RB1CC1: variants seen among roughly 807,000 people sequenced by gnomAD.
RB1CC1 encodes RB1 inducible coiled-coil 1, also known as RB1-inducible coiled-coil protein 1.
In RB1CC1, 46 loss-of-function variants were observed where a neutral mutation model predicts 177.5. The ratio of observed to expected loss-of-function variants is 0.26; its 90% CI spans 0.20 to 0.33. The LOEUF is 0.33. Ranked by LOEUF, RB1CC1 falls within the 10% of genes least tolerant of loss-of-function variation. RB1CC1 has a pLI of 1.00. For synonymous variants in RB1CC1, 666 were observed against 613.6 expected (o/e 1.09, Z -1.26); for missense variants, 1,703 against 1,816.3 (o/e 0.94, Z 1.13).
chr8:52,649,817 A>G (rs1850409275), intron 15 of RB1CC1, among the ~76,000 whole-genome samples: 2 of 152,240 alleles, frequency 1.3e-5, no homozygotes, highest in Admixed American at 1.3e-4. Flanking sequence ...TTCTTTGTAC[A>G]AAGGTACAGG....
chr8:52,631,415 T>A (rs1329497830), intron 20 of RB1CC1, among the ~76,000 whole-genome samples: 2 of 152,050 alleles, frequency 1.3e-5, no homozygotes, highest in East Asian at 3.9e-4. Context: ...GTTAGAAGTA[T>A]AATGCAGCAA....
intron 18 of RB1CC1, among the ~76,000 whole-genome samples, chr8:52,637,160 T>C (rs961246567): frequency 1.3e-5 from 2 of 152,104 alleles, no homozygotes; most frequent in African/African-American, 4.8e-5. Context: ...GCAGACCAAT[T>C]TGGGGAGGGC....
intron 1 of RB1CC1, among the ~76,000 whole-genome samples, chr8:52,688,474 A>C (rs1488538238): frequency 1.3e-5 from 2 of 152,160 alleles, no homozygotes; most frequent in Non-Finnish European, 2.9e-5. Context: ...CCTCAGGCTT[A>C]CTACGGTGGT....
In RB1CC1 at chr8:52,648,742, C is replaced by A. The variant is rs1011577713; in HGVS notation, c.3822-2875G>T. Among the ~76,000 whole-genome samples, 5 of 152,178 alleles carry A rather than the reference C, an allele frequency of 3.3e-5. No individual in the cohort carries two copies. In the East Asian group the frequency reaches 7.7e-4, roughly 23 times the overall value. ...AGAGAATGAATGGGCTCCTCCTGCA[C>A]AGTTTCACAGATAGGTTGGGTCTTA... On this transcript the variant is annotated intron_variant, in intron 15 of 23. Transcript: ENST00000025008.
chr8:52,698,271 G>A (rs1804283470), intron 1 of RB1CC1, among the ~76,000 whole-genome samples: 1 of 151,780 alleles, frequency 6.6e-6, no homozygotes, highest in Non-Finnish European at 1.5e-5. Context: ...TAGAGACGGC[G>A]TTTCTCCATG....
At position 52,642,851 on chromosome 8, in the gene RB1CC1, T is replaced by C. The variant is rs756560351; in HGVS notation, c.3988-39A>G. On this transcript the variant is annotated intron_variant, in intron 16 of 23. Transcript: ENST00000025008. Reference sequence around the variant, plus strand: ...ATAATTATTTAAATTTATCTACATGTACTTAGCAGCTAGGACTTAGAAAAT... The same window carrying C: ...ATAATTATTTAAATTTATCTACATGCACTTAGCAGCTAGGACTTAGAAAAT... 6.8e-6 allele frequency: 10 copies of C among 1,465,586 alleles called. No individual in the cohort carries two copies. The South Asian group carries it at 1.5e-4, about 22-fold the overall frequency. 90.8% of individuals were successfully genotyped at this position (1,465,586 alleles called of 1,614,324 possible). A position where few individuals can be genotyped will look rare whatever the true frequency, so the allele number is the denominator to read the frequency against.
intron 5 of RB1CC1, 129 bp downstream of exon 5, chr8:52,683,419 TA>T (rs752071515): frequency 1.2e-6 from 1 of 822,176 alleles, no homozygotes; most frequent in Non-Finnish European, 1.7e-6. Context: ...CTAGATATAT[TA>T]ACCGGAAAAT....
At chr8:52,703,587 C>T (rs1366277688) in intron 1 of RB1CC1, among the ~76,000 whole-genome samples, 3 of 152,158 alleles carry the variant, frequency 2.0e-5, no homozygotes, top group Admixed American at 6.5e-5. Flanking sequence ...AATATTCTGT[C>T]GTAAAGTCTT....
Position 52,656,093 on chromosome 8 carries a change from G to C in RB1CC1, c.3736C>G (p.Leu1246Val). 2 of 1,613,210 alleles carry C rather than the reference G, an allele frequency of 1.2e-6. No individual in the cohort carries two copies. The highest frequency in any genetic ancestry group is 1.7e-6 in the Non-Finnish European group (2 of 1,179,686). ...TCTCTCTCCAATTTAAATTCTTTTA[G>C]GGCAGTCTGAATAGCTTCATCTTTT... Reference protein sequence around the residue: ...CEKDEAIQTALKEFKLEREVV... With the variant: ...CEKDEAIQTAVKEFKLEREVV... The change falls in exon 15 of 24, where the codon CTA becomes GTA. Residue 1246 changes from leucine (L) to valine (V), a missense_variant. By Grantham distance (32) the Leu-to-Val change is conservative. This residue lies in a region of RB1CC1 where 1,169 missense variants were observed against 1,184.7 expected (regional missense o/e 0.99). Transcript: ENST00000025008.
intron 21 of RB1CC1, among the ~76,000 whole-genome samples, chr8:52,628,422 A>T (rs956317229): frequency 6.6e-6 from 1 of 152,160 alleles, no homozygotes; most frequent in Admixed American, 6.5e-5. Flanking sequence ...CCATTATCTA[A>T]CGTTAAGGAA....
intron 1 of RB1CC1, among the ~76,000 whole-genome samples, chr8:52,711,003 C>CA (rs1239385752): frequency 2.0e-5 from 3 of 150,734 alleles, no homozygotes; most frequent in Middle Eastern, 3.4e-3. Context: ...AAATCAGTGA[C>CA]AAAAAAAGGA....
chr8:52,683,546 T>C lies in RB1CC1; in HGVS notation c.369+3A>G. On this transcript the variant is annotated splice_donor_region_variant and intron_variant, in intron 5 of 23. Coordinates refer to ENST00000025008, the MANE Select transcript of RB1CC1 (RefSeq NM_014781.5). ...TCAGTTAAAATAATTGTTTATATCT[T>C]ACCAATGCAAGCTGTGTCCTTGAAG... 3 of 1,576,966 alleles carry C rather than the reference T, an allele frequency of 1.9e-6. No homozygotes were observed. The highest frequency in any genetic ancestry group is 2.6e-6 in the Non-Finnish European group (3 of 1,163,800).
At chr8:52,658,767 T>A in intron 13 of RB1CC1, 106 bp downstream of exon 13, 1 of 669,800 alleles carries the variant, frequency 1.5e-6, no homozygotes. Flanking sequence ...CTTAAATATT[T>A]CTTATCTTGG....
chr8:52,624,221 T>C (rs1473596657), intron 23 of RB1CC1, among the ~76,000 whole-genome samples: 3 of 151,916 alleles, frequency 2.0e-5, no homozygotes, highest in East Asian at 3.9e-4. Flanking sequence ...ATTTTGTACA[T>C]TGAGGCCCCA....
intron 2 of RB1CC1, among the ~76,000 whole-genome samples, chr8:52,685,783 C>T (rs1854223791): frequency 6.6e-6 from 1 of 152,074 alleles, no homozygotes; most frequent in Non-Finnish European, 1.5e-5. Flanking sequence ...AAGTAAAAGG[C>T]CAGTAGCTAG....
At chr8:52,658,394 T>C (rs1029182305) in intron 13 of RB1CC1, among the ~76,000 whole-genome samples, 1 of 151,838 alleles carries the variant, frequency 6.6e-6, no homozygotes, top group Non-Finnish European at 1.5e-5. Flanking sequence ...CTGGCCAACA[T>C]GGTGAAACCA....
At chr8:52,670,966 AAAG>A (rs1400447198) in intron 7 of RB1CC1, among the ~76,000 whole-genome samples, 2 of 152,048 alleles carry the variant, frequency 1.3e-5, no homozygotes, top group Non-Finnish European at 2.9e-5. Flanking sequence ...AAAAAAAAAA[AAAG>A]AGTCTTTTTA....
chr8:52,688,080 T>C (rs1230947044), intron 1 of RB1CC1, among the ~76,000 whole-genome samples: 1 of 152,258 alleles, frequency 6.6e-6, no homozygotes, highest in Non-Finnish European at 1.5e-5. Flanking sequence ...AAACTGAGGA[T>C]GTACGTCATC....
intron 1 of RB1CC1, among the ~76,000 whole-genome samples, chr8:52,696,964 C>T (rs754739623): frequency 6.6e-6 from 1 of 152,104 alleles, no homozygotes; most frequent in Non-Finnish European, 1.5e-5. Context: ...GATCACACCA[C>T]TGTACTCCAG....
Sources: allele counts gnomAD v4.1 joint callset (sites outside exome capture counted in the v4.1 genomes callset), GRCh38; gene constraint gnomAD v4.1.1; regional missense constraint gnomAD v4.1.1; transcripts MANE v1.5; gene names NCBI Gene and HGNC (gene_info 2026-07-23, HGNC 2026-07-21).